ZBED6: variants seen among roughly 807,000 people sequenced by gnomAD.
ZBED6 encodes zinc finger BED-type containing 6.
Under a neutral mutation model 58.4 loss-of-function variants are expected in ZBED6, and 40 were observed. The observed-to-expected ratio is 0.68, with a 90% CI of 0.53 to 0.89. The LOEUF is 0.89. Among genes scored for constraint, ZBED6 ranks in the 40% least tolerant of loss-of-function variants. ZBED6 has a pLI of 0.00. For missense variants in ZBED6, 1,057 were observed against 1,003.9 expected, an observed-to-expected ratio of 1.05 and a Z score of -0.71; for synonymous variants, 439 against 350.6, an observed-to-expected ratio of 1.25 and a Z score of -2.82.
intron 9 of ZBED6, among the ~76,000 whole-genome samples, chr1:203,834,855 G>A (rs1487088045): frequency 6.6e-6 from 1 of 152,142 alleles, no homozygotes; most frequent in African/African-American, 2.4e-5. Flanking sequence ...TGTTGGCCAG[G>A]CTGGTCTCGA....
intron 2 of ZBED6, among the ~76,000 whole-genome samples, chr1:203,817,973 T>C (rs1053840551): frequency 1.3e-5 from 2 of 152,018 alleles, no homozygotes; most frequent in African/African-American, 2.4e-5. Flanking sequence ...TGTCTTGAAC[T>C]CCTGACCTTG....
At chr1:203,818,316 T>TTTCCC in intron 2 of ZBED6, among the ~76,000 whole-genome samples, 1 of 149,720 alleles carries the variant, frequency 6.7e-6, no homozygotes, top group Non-Finnish European at 1.5e-5. Flanking sequence ...CACTCCTACT[T>TTTCCC]GTCTTTTTCA....
intron 2 of ZBED6, among the ~76,000 whole-genome samples, chr1:203,817,381 A>G (rs1455170625): frequency 6.7e-6 from 1 of 149,694 alleles, no homozygotes; most frequent in Non-Finnish European, 1.5e-5. Context: ...TCAGTGTTCA[A>G]AATTAATCTG....
intron 10 of ZBED6, 76 bp from the exon 11 acceptor site, chr1:203,840,230 T>G: frequency 6.9e-7 from 1 of 1,443,610 alleles, no homozygotes; most frequent in Non-Finnish European, 9.7e-7. Flanking sequence ...TATGCCACCA[T>G]GCCCAGCAAA....
chr1:203,798,758 G>T, exon 1 of ZBED6: 1 of 1,536,102 alleles, frequency 6.5e-7, no homozygotes, highest in Admixed American at 2.0e-5. Flanking sequence ...ACATAAGTCA[G>T]GCAATTATCC....
At position 203,841,162 on chromosome 1, in the gene ZBED6, T is replaced by C. The variant is rs533356560; in HGVS notation, c.*3741+788T>C. Among the ~76,000 whole-genome samples the C allele has an allele frequency of 3.4e-3, 518 of 151,916 alleles. 3 individuals carry two copies. The highest frequency in any genetic ancestry group is 0.024 in the Middle Eastern group (7 of 294). On this transcript the variant is annotated intron_variant, in intron 11 of 16. Transcript: ENST00000550078. ...AGAATCTTTTTTTTTTTTTTATTTT[T>C]TTTTTTAGTATTTATTGATCATTCT...
intron 3 of ZBED6, among the ~76,000 whole-genome samples, chr1:203,824,325 A>G (rs1450550105): frequency 6.6e-6 from 1 of 151,956 alleles, no homozygotes; most frequent in Non-Finnish European, 1.5e-5. Flanking sequence ...TTTCACTTGC[A>G]TATGAATTTT....
intron 1 of ZBED6, among the ~76,000 whole-genome samples, chr1:203,810,684 G>A (rs1674155556): frequency 6.6e-6 from 1 of 152,144 alleles, no homozygotes; most frequent in Non-Finnish European, 1.5e-5. Context: ...CTCCCAAAAT[G>A]CTGGGAATAC....
chr1:203,796,512 G>A (rs1269219983), exon 1 of ZBED6: 1 of 398,870 alleles, frequency 2.5e-6, no homozygotes, highest in Non-Finnish European at 4.4e-6. Flanking sequence ...GATTCCTATG[G>A]GGAAGGCCTA....
In ZBED6 at chr1:203,798,157, A is replaced by T. The variant is rs370724689; in HGVS notation, c.635A>T (p.Asn212Ile). 1.3e-5 allele frequency: 20 copies of T among 1,536,148 alleles called. 1 individual carries two copies. In the African/African-American group the frequency reaches 2.6e-4, roughly 20 times the overall value. The change falls in exon 1 of 17, where the codon AAT becomes ATT. Residue 212 changes from asparagine to isoleucine, a missense_variant. Physicochemically the swap from Asn to Ile is moderately radical, Grantham distance 149. Transcript: ENST00000550078. ...TCTTTATCTCCCTCTTCTGGAAGCA[A>T]TGGAAGCTTTGAATATATTCCTACT... is the stretch of plus-strand genomic sequence containing the variant.
intron 1 of ZBED6, chr1:203,806,264 C>T (rs933720096): frequency 2.5e-5 from 8 of 314,708 alleles, no homozygotes; most frequent in African/African-American, 6.7e-5. Context: ...ATCAGTTTAT[C>T]TTGAGTGGCT....
intron 1 of ZBED6, among the ~76,000 whole-genome samples, chr1:203,804,150 G>GTTTTTTTTTTTTTTT (rs1209891980): frequency 7.6e-6 from 1 of 131,018 alleles, no homozygotes. Flanking sequence ...TCCTGTATAT[G>GTTTTTTTTTTTTTTT]TGTTTTTTTT....
At chr1:203,851,692 G>A (rs1296591277) in intron 16 of ZBED6, among the ~76,000 whole-genome samples, 1 of 149,926 alleles carries the variant, frequency 6.7e-6, no homozygotes, top group Middle Eastern at 3.2e-3. Flanking sequence ...GCCAGGCAAG[G>A]CGGCTTATGC....
At chr1:203,805,822 C>T (rs1393378134) in intron 1 of ZBED6, 11 of 877,622 alleles carry the variant, frequency 1.3e-5, no homozygotes, top group East Asian at 6.3e-5. Flanking sequence ...GCCATAACTG[C>T]GACTCAGTGC....
At chr1:203,810,432 T>A (rs1303509218) in intron 1 of ZBED6, among the ~76,000 whole-genome samples, 1 of 151,448 alleles carries the variant, frequency 6.6e-6, no homozygotes, top group Non-Finnish European at 1.5e-5. Flanking sequence ...GGTTTTTTTT[T>A]TTTTTGAGAC....
chr1:203,817,704 T>C (rs1379843069), intron 2 of ZBED6, among the ~76,000 whole-genome samples: 2 of 152,094 alleles, frequency 1.3e-5, no homozygotes, highest in Non-Finnish European at 2.9e-5. Flanking sequence ...TGACTAATTC[T>C]ATAAACGTAT....
intron 1 of ZBED6, among the ~76,000 whole-genome samples, chr1:203,815,379 CTT>C (rs397711285): frequency 0.19 from 17,974 of 96,556 alleles, 2,105 homozygotes; most frequent in East Asian, 0.7. Flanking sequence ...CCACACCCAG[CTT>C]TTTTTTTTTT....
chr1:203,823,498 T>C (rs182538923), intron 3 of ZBED6, among the ~76,000 whole-genome samples: 3 of 152,306 alleles, frequency 2.0e-5, no homozygotes, highest in Admixed American at 6.5e-5. Flanking sequence ...ATGTTCAGCA[T>C]TAACCATATT....
At chr1:203,836,399 C>G (rs561840262) in intron 9 of ZBED6, among the ~76,000 whole-genome samples, 1 of 152,164 alleles carries the variant, frequency 6.6e-6, no homozygotes, top group African/African-American at 2.4e-5. Context: ...GTCAAGTAAT[C>G]TAAAAAACCG....
Sources: allele counts gnomAD v4.1 joint callset (sites outside exome capture counted in the v4.1 genomes callset), GRCh38; gene constraint gnomAD v4.1.1; transcripts MANE v1.5; gene names NCBI Gene and HGNC (gene_info 2026-07-23, HGNC 2026-07-21).